Variants in TTC6 observed in about 807,000 individuals in gnomAD.
The protein encoded by TTC6 is tetratricopeptide repeat protein 6.
A neutral mutation model predicts 210.4 loss-of-function variants in TTC6; 172 were observed. The ratio of observed to expected loss-of-function variants is 0.82; its 90% CI spans 0.72 to 0.93. The LOEUF (loss-of-function observed/expected upper bound fraction) is 0.93, where lower values mean the gene tolerates loss of function less well. TTC6 is among the 40% of genes least tolerant of loss of function. The pLI, the probability that TTC6 is intolerant of heterozygous loss-of-function variation, is 0.00. For synonymous variants in TTC6, 804 were observed against 819.6 expected (o/e 0.98, Z 0.32); for missense variants, 2,414 against 2,318.1 (o/e 1.04, Z -0.85).
At position 37,630,905 on chromosome 14, in the gene TTC6, C is replaced by A. The variant is rs1308525094; in HGVS notation, c.939+7902C>A. Among the ~76,000 whole-genome samples the A allele has an allele frequency of 4.4e-4, 32 of 73,410 alleles. 1 individual carries two copies. The highest frequency in any genetic ancestry group is 7.1e-4 in the Non-Finnish European group (27 of 38,108). 48.2% of individuals were successfully genotyped at this position (73,410 alleles called of 152,430 possible). ...TTGTCAGAGACTAGGATGGCAACCC[C>A]TGTTTTTTTTTTTTTTTTTTTTTTT... On this transcript the variant is annotated intron_variant, in intron 1 of 30. Transcript: ENST00000553443.
chr14:37,700,731 A>G (rs2095823479), intron 4 of TTC6, among the ~76,000 whole-genome samples: 1 of 132,390 alleles, frequency 7.6e-6, no homozygotes, highest in Non-Finnish European at 1.6e-5. Flanking sequence ...ACTGGGTGAC[A>G]GAGTGAGACT....
At chr14:37,771,322 C>T (rs1034163546) in intron 14 of TTC6, among the ~76,000 whole-genome samples, 2 of 151,730 alleles carry the variant, frequency 1.3e-5, no homozygotes, top group African/African-American at 4.8e-5. Flanking sequence ...GTGGCGTTCT[C>T]TGTATTTCCT....
chr14:37,820,296 G>C (rs1335432117), intron 26 of TTC6, among the ~76,000 whole-genome samples: 1 of 152,182 alleles, frequency 6.6e-6, no homozygotes. Context: ...GAGCTTGCTA[G>C]CTGTCTTTCA....
chr14:37,716,999 TAAA>T (rs1225786273), intron 6 of TTC6, among the ~76,000 whole-genome samples: 6 of 151,932 alleles, frequency 3.9e-5, no homozygotes, highest in Non-Finnish European at 7.4e-5. Flanking sequence ...ATCTATAGGT[TAAA>T]GAAGAAGTTT....
chr14:37,790,517 A>G (rs1406705047), intron 15 of TTC6, among the ~76,000 whole-genome samples, 200 bp from the exon 18 acceptor site: 3 of 152,212 alleles, frequency 2.0e-5, no homozygotes, highest in Admixed American at 2.0e-4. Flanking sequence ...CACAATTGCC[A>G]CATTGTTACT....
intron 8 of TTC6, among the ~76,000 whole-genome samples, chr14:37,737,289 C>T (rs2095904309): frequency 6.6e-6 from 1 of 151,960 alleles, no homozygotes. Flanking sequence ...TAATGCAGCC[C>T]CAGGGTTAAG....
chr14:37,677,992 A>G (rs909371173), intron 1 of TTC6, among the ~76,000 whole-genome samples: 2 of 152,098 alleles, frequency 1.3e-5, no homozygotes, highest in African/African-American at 2.4e-5. Context: ...TCTGAAATGT[A>G]TATCATTTCT....
At chr14:37,804,558 C>T in intron 20 of TTC6, 122 bp from the exon 23 acceptor site, 1 of 1,291,250 alleles carries the variant, frequency 7.7e-7, no homozygotes, top group Non-Finnish European at 1.1e-6. Flanking sequence ...TCTGTTTGTC[C>T]CCAGATAAAG....
intron 14 of TTC6, among the ~76,000 whole-genome samples, chr14:37,782,603 A>G (rs1269863201): frequency 6.6e-6 from 1 of 151,962 alleles, no homozygotes; most frequent in East Asian, 1.9e-4. Flanking sequence ...TCTTTTCCTA[A>G]TTGAATACCC....
chr14:37,802,921 T>C (rs939076999), intron 20 of TTC6, among the ~76,000 whole-genome samples: 4 of 151,882 alleles, frequency 2.6e-5, no homozygotes, highest in African/African-American at 4.8e-5. Context: ...TTAGTAGAGA[T>C]GGGGTTTCAC....
intron 1 of TTC6, among the ~76,000 whole-genome samples, chr14:37,642,935 A>T (rs2095694797): frequency 6.6e-6 from 1 of 152,214 alleles, no homozygotes. Flanking sequence ...ATGCAGTATA[A>T]CCTTATGGAA....
At chr14:37,765,830 A>AT (rs938126937) in intron 14 of TTC6, among the ~76,000 whole-genome samples, 16 of 151,230 alleles carry the variant, frequency 1.1e-4, no homozygotes, top group South Asian at 8.3e-4. Context: ...TTCTTGCTTG[A>AT]TTTTTTTTTA....
intron 1 of TTC6, among the ~76,000 whole-genome samples, chr14:37,674,627 C>T (rs1047194860): frequency 4.6e-5 from 7 of 152,218 alleles, no homozygotes; most frequent in Admixed American, 3.9e-4. Context: ...AAGCAGAGCA[C>T]GTGTGCTCAA....
At chr14:37,767,742 T>G (rs1035683449) in intron 14 of TTC6, among the ~76,000 whole-genome samples, 4 of 151,722 alleles carry the variant, frequency 2.6e-5, no homozygotes, top group African/African-American at 9.7e-5. Flanking sequence ...TTCTCCCATT[T>G]TGTAGGTTGC....
chr14:37,622,069 C>CGAGA lies in TTC6; in HGVS notation c.5_6insGAGA (p.Thr3ArgfsTer19). 1 of 1,522,880 alleles carries CGAGA rather than the reference C, an allele frequency of 6.6e-7. No individual in the cohort carries two copies. Among genetic ancestry groups the CGAGA allele is most frequent in the Non-Finnish European group, 8.8e-7 (1 of 1,140,080 alleles). 94.3% of individuals were successfully genotyped at this position (1,522,880 alleles called of 1,614,324 possible). ...TTACAGGTCAAATTTGTCAAGATGT[C>CGAGA]CACAATCCCGAGACACTTTGGCCTG... is the stretch of plus-strand genomic sequence containing the variant. On this transcript the variant is annotated frameshift_variant, in exon 1 of 31. Transcript: ENST00000553443. LOFTEE classifies it high-confidence loss of function.
chr14:37,686,357 T>C (rs1202812941), intron 3 of TTC6, among the ~76,000 whole-genome samples: 1 of 152,236 alleles, frequency 6.6e-6, no homozygotes, highest in Non-Finnish European at 1.5e-5. Flanking sequence ...ATCAGCAACC[T>C]GCTTATGAAA....
chr14:37,603,834 C>T (rs2095620250), intron 1 of TTC6, among the ~76,000 whole-genome samples: 1 of 152,188 alleles, frequency 6.6e-6, no homozygotes, highest in Non-Finnish European at 1.5e-5. Flanking sequence ...CGGACATGTT[C>T]AATGCAATTC....
intron 1 of TTC6, among the ~76,000 whole-genome samples, chr14:37,677,402 A>G (rs1489272117): frequency 6.6e-6 from 1 of 152,072 alleles, no homozygotes; most frequent in East Asian, 1.9e-4. Flanking sequence ...TGTACCCTAC[A>G]ACTTTAGTGA....
chr14:37,605,298 C>T (rs1279206565), intron 1 of TTC6, among the ~76,000 whole-genome samples: 2 of 152,180 alleles, frequency 1.3e-5, no homozygotes, highest in Admixed American at 1.3e-4. Flanking sequence ...TTTTAGACAA[C>T]GAGTTTGGAT....
Sources: gnomAD v4.1 joint callset for allele counts (sites outside exome capture counted in the v4.1 genomes callset) on GRCh38, gnomAD v4.1.1 for gene constraint, MANE v1.5 for transcripts, NCBI Gene and HGNC (gene_info 2026-07-23, HGNC 2026-07-21) for gene names.